The following MTA3 variants were observed in gnomAD, a reference collection of about 807,000 sequenced individuals.
MTA3 encodes the protein metastasis-associated protein MTA3.
A neutral mutation model predicts 83.5 loss-of-function variants in MTA3; 34 were observed. The ratio of observed to expected loss-of-function variants is 0.41; its 90% CI spans 0.31 to 0.54. MTA3 has a LOEUF of 0.54. Ranked by LOEUF, MTA3 falls within the 20% of genes least tolerant of loss-of-function variation. MTA3 has a pLI of 0.33. For synonymous variants in MTA3, 303 were observed against 252.7 expected, an observed-to-expected ratio of 1.20 and a Z score of -1.89; for missense variants, 761 against 726.4, an observed-to-expected ratio of 1.05 and a Z score of -0.55.
intron 8 of MTA3, among the ~76,000 whole-genome samples, chr2:42,676,664 G>T (rs1233893808): frequency 6.6e-6 from 1 of 152,210 alleles, no homozygotes; most frequent in Non-Finnish European, 1.5e-5. Context: ...TACTTGGGAG[G>T]CTGAGGTGGG....
At chr2:42,663,228 G>T (rs1689897543) in intron 8 of MTA3, among the ~76,000 whole-genome samples, 1 of 152,258 alleles carries the variant, frequency 6.6e-6, no homozygotes, top group East Asian at 1.9e-4. Flanking sequence ...TTCCTGAGAT[G>T]GTGGAGAGTT....
chr2:42,582,697 G>C (rs1679809216), intron 3 of MTA3, among the ~76,000 whole-genome samples: 1 of 152,162 alleles, frequency 6.6e-6, no homozygotes, highest in Admixed American at 6.6e-5. Flanking sequence ...TGTTGGTAGA[G>C]CATCTGCTGA....
chr2:42,637,853 A>C (rs1174347620), intron 4 of MTA3, among the ~76,000 whole-genome samples: 1 of 152,134 alleles, frequency 6.6e-6, no homozygotes, highest in Non-Finnish European at 1.5e-5. Flanking sequence ...AAAATCTTTT[A>C]TTTCAGACCA....
intron 4 of MTA3, among the ~76,000 whole-genome samples, chr2:42,636,068 C>T (rs1687165252): frequency 6.6e-6 from 1 of 152,106 alleles, no homozygotes. Flanking sequence ...GGCGCCGGGC[C>T]AGGAATGGTT....
At chr2:42,670,701 C>T (rs140675175) in intron 8 of MTA3, among the ~76,000 whole-genome samples, 18 of 150,938 alleles carry the variant, frequency 1.2e-4, no homozygotes, top group African/African-American at 4.1e-4. Context: ...GGGCCTAGTG[C>T]GAGAGCTCAG....
intron 5 of MTA3, among the ~76,000 whole-genome samples, chr2:42,642,684 C>T (rs1299321276): frequency 3.3e-5 from 5 of 149,576 alleles, no homozygotes; most frequent in Admixed American, 1.3e-4. Context: ...CACTCTTGTC[C>T]CCCAGGCTGG....
At chr2:42,722,274 A>G (rs893535889) in intron 15 of MTA3, among the ~76,000 whole-genome samples, 25 of 152,250 alleles carry the variant, frequency 1.6e-4, no homozygotes, top group African/African-American at 5.3e-4. Context: ...TTAAACATGC[A>G]TATACCACAG....
chr2:42,607,598 C>A (rs1573234936), intron 3 of MTA3, among the ~76,000 whole-genome samples: 1 of 152,108 alleles, frequency 6.6e-6, no homozygotes, highest in East Asian at 1.9e-4. Flanking sequence ...CTTGCCTCAG[C>A]CTCCCAAAGT....
chr2:42,593,900 C>G (rs1681345495), intron 3 of MTA3, among the ~76,000 whole-genome samples: 1 of 151,796 alleles, frequency 6.6e-6, no homozygotes, highest in Non-Finnish European at 1.5e-5. Flanking sequence ...TTACACCTAC[C>G]AGCAATGAAT....
intron 9 of MTA3, among the ~76,000 whole-genome samples, chr2:42,687,486 T>A (rs1057340275): frequency 6.6e-6 from 1 of 152,220 alleles, no homozygotes; most frequent in Non-Finnish European, 1.5e-5. Context: ...TGTTTCTGAT[T>A]TTTGATGATT....
At chr2:42,720,258 C>G (rs916950203) in intron 15 of MTA3, among the ~76,000 whole-genome samples, 58 of 152,230 alleles carry the variant, frequency 3.8e-4, no homozygotes, top group African/African-American at 1.4e-3. Flanking sequence ...TCTCGGCTCA[C>G]TGCAAGCTCC....
chr2:42,688,323 A>T lies in MTA3; in HGVS notation c.891+5734A>T, dbSNP rs984706589. On this transcript the variant is annotated intron_variant, in intron 9 of 16. Transcript: ENST00000405094. ...GGTCTCCAACTCCTGGGCTCAAATG[A>T]TGCTCTTGCCTTGACCTCCCAAGTT... is the stretch of plus-strand genomic sequence containing the variant. Among the ~76,000 whole-genome samples, 17 of 152,290 alleles carry T rather than the reference A, an allele frequency of 1.1e-4. 1 individual carries two copies. Among genetic ancestry groups the T allele is most frequent in the Admixed American group, 1.1e-3 (17 of 15,282 alleles).
chr2:42,553,003 A>G (rs1390604398), intron 2 of MTA3, among the ~76,000 whole-genome samples: 4 of 151,848 alleles, frequency 2.6e-5, no homozygotes, highest in Non-Finnish European at 5.9e-5. Context: ...GAGGCTGAGT[A>G]TGATGGCTCA....
Position 42,718,271 on chromosome 2 carries a change from G to C in MTA3, c.1526-717G>C, listed in dbSNP as rs145413730. Among the ~76,000 whole-genome samples the C allele has an allele frequency of 1.1e-4, 17 of 151,948 alleles. No individual in the cohort carries two copies. In the East Asian group the frequency reaches 3.1e-3, roughly 28 times the overall value. ...TATTGTTATTATTATTATTGAGATG[G>C]AGTTTCGCTCTTGTTGCCCAGGCTG... On this transcript the variant is annotated intron_variant, in intron 14 of 16. Coordinates refer to ENST00000405094, the MANE Select transcript of MTA3 (RefSeq NM_001330442.2).
chr2:42,570,923 GA>G (rs1678403378), intron 2 of MTA3, among the ~76,000 whole-genome samples: 1 of 152,028 alleles, frequency 6.6e-6, no homozygotes, highest in African/African-American at 2.4e-5. Context: ...TGAGGAAGGA[GA>G]ATCGCTTGAA....
rs62144353 is a variant in MTA3, at chr2:42,755,360, C to A, written c.*1961C>A. ...ATTTTCTCTGCCTTTTGGGAGAGGC[C>A]CTCTCACCCAGGCCCAAGAGATTTG... On this transcript the variant is annotated 3_prime_UTR_variant, in exon 17 of 17. Transcript: ENST00000405094. The A allele has an allele frequency of 0.12, 117,987 of 985,392 alleles. 7,623 individuals carry two copies. The highest frequency in any genetic ancestry group is 0.13 in the Non-Finnish European group (109,216 of 829,946). The allele number at this position is 985,392 out of a possible 1,614,324, so 61.0% of individuals were successfully genotyped here. A position where few individuals can be genotyped will look rare whatever the true frequency, so the allele number is the denominator to read the frequency against.
chr2:42,671,320 A>G (rs982492002), intron 8 of MTA3, among the ~76,000 whole-genome samples: 1 of 152,114 alleles, frequency 6.6e-6, no homozygotes, highest in African/African-American at 2.4e-5. Flanking sequence ...TGTAGTTACA[A>G]ATAGATTTTC....
chr2:42,755,182 G>A lies in MTA3; in HGVS notation c.*1783G>A. The A allele has an allele frequency of 4.1e-6, 4 of 985,514 alleles. No individual in the cohort carries two copies. The highest frequency in any genetic ancestry group is 4.7e-5 in the South Asian group (1 of 21,284). 61.0% of individuals were successfully genotyped at this position (985,514 alleles called of 1,614,324 possible). ...CTAAAGAAAAAGACACAGGAAAGCT[G>A]TCTGTCTGTACCCTGCTCTGGATTT... On this transcript the variant is annotated 3_prime_UTR_variant, in exon 17 of 17. Coordinates refer to ENST00000405094, the MANE Select transcript of MTA3 (RefSeq NM_001330442.2).
intron 4 of MTA3, among the ~76,000 whole-genome samples, chr2:42,612,291 T>A (rs759863382): frequency 6.6e-6 from 1 of 152,140 alleles, no homozygotes; most frequent in Non-Finnish European, 1.5e-5. Context: ...CATAGCTCAC[T>A]GCAGCCTTAA....
Sources: allele counts gnomAD v4.1 joint callset (sites outside exome capture counted in the v4.1 genomes callset), GRCh38; gene constraint gnomAD v4.1.1; transcripts MANE v1.5; gene names NCBI Gene and HGNC (gene_info 2026-07-23, HGNC 2026-07-21).